PLAC1: variants seen among roughly 807,000 people sequenced by gnomAD.
PLAC1 encodes the protein placenta associated 1.
For missense variants in PLAC1, 136 were observed against 163.2 expected, an observed-to-expected ratio of 0.83 and a Z score of 0.91; for synonymous variants, 68 against 62.1, an observed-to-expected ratio of 1.09 and a Z score of -0.44.
At chrX:134,697,751 C>T (rs2078569671) in intron 2 of PLAC1, among the ~76,000 whole-genome samples, 2 of 111,587 alleles carry the variant, frequency 1.8e-5, no homozygotes, top group Non-Finnish European at 3.8e-5. Context: ...GCCTGTAGTC[C>T]CAGTTACTTG....
At chrX:134,662,791 T>C (rs1160624492), upstream of PLAC1, among the ~76,000 whole-genome samples, 1 of 111,183 alleles carries the variant, frequency 9.0e-6, no homozygotes, top group Non-Finnish European at 1.9e-5. Flanking sequence ...TATCCAGGCA[T>C]AGTGGTGCAC....
At chrX:134,727,058 C>T (rs1045458839) in intron 2 of PLAC1, among the ~76,000 whole-genome samples, 1 of 110,711 alleles carries the variant, frequency 9.0e-6, no homozygotes, top group Non-Finnish European at 1.9e-5. Context: ...CTCTGATTAC[C>T]TCCCAATTTC....
intron 1 of PLAC1, among the ~76,000 whole-genome samples, chrX:134,653,743 T>G (rs987393212): frequency 3.6e-5 from 4 of 111,511 alleles, no homozygotes; most frequent in Non-Finnish European, 5.7e-5. Context: ...GGAGTTCAAT[T>G]CCACAGACCA....
At chrX:134,729,588 A>G (rs2078682888) in intron 2 of PLAC1, among the ~76,000 whole-genome samples, 1 of 110,881 alleles carries the variant, frequency 9.0e-6, no homozygotes, top group Admixed American at 9.6e-5. Flanking sequence ...CAGAGCCAGG[A>G]GTATGATTTC....
At chrX:134,630,263 G>A (rs1479029657) in intron 1 of PLAC1, among the ~76,000 whole-genome samples, 4 of 111,890 alleles carry the variant, frequency 3.6e-5, no homozygotes, top group African/African-American at 1.3e-4. Flanking sequence ...GAGCCACCAC[G>A]CCTGGCCTCA....
chrX:134,684,588 G>A lies in PLAC1; in HGVS notation n.174+48847C>T, dbSNP rs150035896. Reference sequence around the variant, plus strand: ...TAAGTACAGTTTTTTTTCTTGCTAGGCCACTTCATACAAAAGTCATCCATC... The same window carrying A: ...TAAGTACAGTTTTTTTTCTTGCTAGACCACTTCATACAAAAGTCATCCATC... On this transcript the variant is annotated intron_variant and non_coding_transcript_variant, in intron 2 of 2. Coordinates refer to the PLAC1 transcript ENST00000466797. 9.0e-3 allele frequency among the ~76,000 whole-genome samples: 998 copies of A among 110,808 alleles called. 19 individuals are homozygous for A. The highest frequency in any genetic ancestry group is 0.031 in the African/African-American group (957 of 30,464).
chrX:134,619,974 G>T lies in PLAC1; in HGVS notation c.-130-17852C>A, dbSNP rs781627689. Among the ~76,000 whole-genome samples, 3 of 112,185 alleles carry T rather than the reference G, an allele frequency of 2.7e-5. No homozygotes were observed. The South Asian group carries it at 1.1e-3, about 42-fold the overall frequency. ...TTTTTGTTTGTTTGTTTGTTCATTT[G>T]TTTTGTCACTGGAGGGTGGACAGTG... On this transcript the variant is annotated intron_variant, in intron 1 of 2. Coordinates refer to ENST00000359237, the MANE Select transcript of PLAC1 (RefSeq NM_021796.4).
chrX:134,763,519 G>A (rs1174112989), intron 1 of PLAC1, among the ~76,000 whole-genome samples: 1 of 111,200 alleles, frequency 9.0e-6, no homozygotes, highest in Non-Finnish European at 1.9e-5. Context: ...CACCTCACAG[G>A]AGAAGAAAAG....
chrX:134,724,957 G>A (rs1055082851), intron 2 of PLAC1, among the ~76,000 whole-genome samples: 5 of 109,540 alleles, frequency 4.6e-5, no homozygotes, highest in Non-Finnish European at 5.7e-5. Flanking sequence ...AGCTGTGATC[G>A]TGCCACTGCA....
At chrX:134,673,344 G>A (rs1237754264) in intron 2 of PLAC1, among the ~76,000 whole-genome samples, 2 of 105,199 alleles carry the variant, frequency 1.9e-5, no homozygotes, top group Non-Finnish European at 3.9e-5. Flanking sequence ...GGAAGGGAAG[G>A]AGGGAGGGAG....
At chrX:134,586,008 A>G (rs976436354) in intron 2 of PLAC1, among the ~76,000 whole-genome samples, 1 of 112,248 alleles carries the variant, frequency 8.9e-6, no homozygotes, top group African/African-American at 3.2e-5. Context: ...AGCATTTGAG[A>G]ATGTACCGCC....
At chrX:134,630,214 G>GC (rs2078254586) in intron 1 of PLAC1, among the ~76,000 whole-genome samples, 2 of 111,173 alleles carry the variant, frequency 1.8e-5, no homozygotes, top group South Asian at 7.7e-4. Context: ...CGGGTGATCT[G>GC]CCCCCCTCGG....
Position 134,618,455 on chromosome X carries a change from G to C in PLAC1, c.-130-16333C>G, listed in dbSNP as rs143338430. On this transcript the variant is annotated intron_variant, in intron 1 of 2. Coordinates refer to ENST00000359237, the MANE Select transcript of PLAC1 (RefSeq NM_021796.4). ...GGTTCTCACTCTGTTGCCCAGGATGGAGTGCAGTGGTGCGATCATGGCTCA... is the reference window on the plus strand; with the variant it reads ...GGTTCTCACTCTGTTGCCCAGGATGCAGTGCAGTGGTGCGATCATGGCTCA... Among the ~76,000 whole-genome samples the C allele has an allele frequency of 9.4e-3, 1,047 of 111,416 alleles. 19 individuals are homozygous for C. The highest frequency in any genetic ancestry group is 0.033 in the African/African-American group (1,008 of 30,624).
intron 2 of PLAC1, among the ~76,000 whole-genome samples, chrX:134,596,227 T>C (rs1296683883): frequency 8.9e-6 from 1 of 112,398 alleles, no homozygotes; most frequent in African/African-American, 3.2e-5. Flanking sequence ...GCTTCAACCA[T>C]CAAACAAAAT....
chrX:134,572,493 G>A (rs1346318579), intron 2 of PLAC1, among the ~76,000 whole-genome samples: 3 of 111,941 alleles, frequency 2.7e-5, no homozygotes, highest in African/African-American at 6.5e-5. Context: ...TAAAGTAACC[G>A]CACATTATTC....
intron 1 of PLAC1, among the ~76,000 whole-genome samples, chrX:134,745,608 G>A (rs943046050): frequency 1.8e-5 from 2 of 111,675 alleles, no homozygotes; most frequent in Non-Finnish European, 3.8e-5. Context: ...TGAAGTTAAG[G>A]TCTATCTCAG....
chrX:134,701,132 G>C (rs1247271907), intron 2 of PLAC1, among the ~76,000 whole-genome samples: 1 of 111,398 alleles, frequency 9.0e-6, no homozygotes, highest in Non-Finnish European at 1.9e-5. Flanking sequence ...AAATAAAGTT[G>C]CACAGGTACA....
rs748251241 is a variant in PLAC1 at position 134,581,667 on chromosome X, C to T, written c.-58-14927G>A. ...CTAATTTTTGTATTTTTACTAAAGACGGAGTTTCACCATGTTGGCCAGGCT... is the reference window on the plus strand; with the variant it reads ...CTAATTTTTGTATTTTTACTAAAGATGGAGTTTCACCATGTTGGCCAGGCT... On this transcript the variant is annotated intron_variant, in intron 2 of 2. Transcript: ENST00000359237. Among the ~76,000 whole-genome samples, 3 of 109,473 alleles carry T rather than the reference C, an allele frequency of 2.7e-5. No individual in the cohort carries two copies. In the South Asian group the frequency reaches 1.2e-3, roughly 45 times the overall value.
chrX:134,596,291 A>G (rs149294032), intron 2 of PLAC1, among the ~76,000 whole-genome samples: 1,578 of 112,110 alleles, frequency 0.014, 14 homozygotes, highest in Non-Finnish European at 0.022. Flanking sequence ...ATTTTTGCTT[A>G]TTGTATTATT....
Sources: gnomAD v4.1 joint callset for allele counts (sites outside exome capture counted in the v4.1 genomes callset) on GRCh38, gnomAD v4.1.1 for gene constraint, MANE v1.5 for transcripts, NCBI Gene and HGNC (gene_info 2026-07-23, HGNC 2026-07-21) for gene names.